The following FLT1 variants were observed in gnomAD, a reference collection of about 807,000 sequenced individuals.
FLT1 encodes fms related receptor tyrosine kinase 1.
A neutral mutation model predicts 156.3 loss-of-function variants in FLT1; 49 were observed. That is an observed-to-expected ratio of 0.31 (90% CI 0.25 to 0.40). The LOEUF (loss-of-function observed/expected upper bound fraction) is 0.40. Among genes scored for constraint, FLT1 ranks in the 10% least tolerant of loss-of-function variants. FLT1 has a pLI of 1.00. For synonymous variants in FLT1, 594 were observed against 583.8 expected (o/e 1.02, Z -0.25); for missense variants, 1,322 against 1,637.2 (o/e 0.81, Z 3.32).
intron 15 of FLT1, among the ~76,000 whole-genome samples, chr13:28,347,405 C>T (rs1040012887): frequency 2.0e-5 from 3 of 152,032 alleles, no homozygotes; most frequent in East Asian, 1.9e-4. Context: ...GGGGGGCACC[C>T]AGCTCCTCGG....
At chr13:28,416,394 G>A (rs984584868) in intron 10 of FLT1, among the ~76,000 whole-genome samples, 1 of 152,206 alleles carries the variant, frequency 6.6e-6, no homozygotes, top group Non-Finnish European at 1.5e-5. Context: ...TCATTTTAAT[G>A]TCTAAGTAGT....
At chr13:28,363,846 G>A (rs1378543584) in intron 14 of FLT1, among the ~76,000 whole-genome samples, 2 of 152,144 alleles carry the variant, frequency 1.3e-5, no homozygotes, top group African/African-American at 2.4e-5. Context: ...GACCTCAAGC[G>A]ATCTGCTGGC....
At chr13:28,319,346 C>T (rs943044558) in intron 24 of FLT1, 77 bp downstream of exon 24, 5 of 980,810 alleles carry the variant, frequency 5.1e-6, no homozygotes, top group Middle Eastern at 2.7e-4. Context: ...TAAAGGCTGT[C>T]TAACCAAAGG....
At chr13:28,343,381 A>C (rs1366661660) in intron 16 of FLT1, among the ~76,000 whole-genome samples, 2 of 148,716 alleles carry the variant, frequency 1.3e-5, no homozygotes, top group Non-Finnish European at 1.5e-5. Context: ...GCTCACTGCA[A>C]CCTCCGCCCC....
At chr13:28,371,908 T>C (rs575949601) in intron 14 of FLT1, among the ~76,000 whole-genome samples, 11 of 151,738 alleles carry the variant, frequency 7.2e-5, no homozygotes, top group African/African-American at 2.4e-4. Context: ...ATTTGTTGCC[T>C]GTATTTTCCC....
chr13:28,300,802 C>G lies in FLT1; in HGVS notation c.*2365G>C. 1 of 233,244 alleles carries G rather than the reference C, an allele frequency of 4.3e-6. No individual in the cohort carries two copies. The highest frequency in any genetic ancestry group is 6.0e-5 in the East Asian group (1 of 16,598). The allele number at this position is 233,244 out of a possible 1,614,324, so 14.4% of individuals were successfully genotyped here. A position where few individuals can be genotyped will look rare whatever the true frequency, so the allele number is the denominator to read the frequency against. On this transcript the variant is annotated 3_prime_UTR_variant, in exon 30 of 30. Coordinates refer to ENST00000282397, the MANE Select transcript of FLT1 (RefSeq NM_002019.4). The stretch of plus-strand genomic sequence containing the variant: ...GAAACTCTGAAAGGAAGTGCTCGTT[C>G]TTTGTTAGTGCCAACCATTTTTGTC...
rs145266667 is a variant in FLT1, at chr13:28,430,061, C to T, written c.1095G>A (p.Pro365=). Reference sequence around the variant, plus strand: ...AAGGATGGTCCTACCATACAACTTCCGGCGAGGGAAATGCCTTCACTTTCA... The same window carrying T: ...AAGGATGGTCCTACCATACAACTTCTGGCGAGGGAAATGCCTTCACTTTCA... The part of the protein sequence containing the change: ...LSMKVKAFPS[P]EVVWLKDGLP... Residue 365 remains proline, a synonymous_variant, in exon 8 of 30, where the codon CCG becomes CCA. Transcript: ENST00000282397. 7,333 of 1,608,898 alleles carry T rather than the reference C, an allele frequency of 4.6e-3. 119 individuals carry two copies. The highest frequency in any genetic ancestry group is 3.0e-3 in the Non-Finnish European group (3,581 of 1,175,274).
chr13:28,356,723 C>T (rs1215519068), intron 15 of FLT1, among the ~76,000 whole-genome samples: 2 of 152,174 alleles, frequency 1.3e-5, no homozygotes, highest in Non-Finnish European at 2.9e-5. Context: ...ATTCTGAAGT[C>T]GACTGGTTAG....
At chr13:28,378,316 G>A (rs560754195) in intron 14 of FLT1, among the ~76,000 whole-genome samples, 1 of 152,226 alleles carries the variant, frequency 6.6e-6, no homozygotes, top group Admixed American at 6.5e-5. Flanking sequence ...CAAAGTGCTG[G>A]GATTACAGGC....
chr13:28,461,539 A>G (rs1879578474), intron 3 of FLT1, among the ~76,000 whole-genome samples: 1 of 152,176 alleles, frequency 6.6e-6, no homozygotes, highest in Non-Finnish European at 1.5e-5. Flanking sequence ...GAAGTTCAGT[A>G]CAAATGAGTT....
At chr13:28,406,183 G>A (rs1875792962) in intron 10 of FLT1, among the ~76,000 whole-genome samples, 1 of 152,110 alleles carries the variant, frequency 6.6e-6, no homozygotes, top group Non-Finnish European at 1.5e-5. Flanking sequence ...TTAGTATCTA[G>A]ATTTTAGTTT....
rs1414779182 is a variant in FLT1 at position 28,425,814 on chromosome 13, C to T, written c.1436+1345G>A. Reference sequence around the variant, plus strand: ...GGTCGATAAATATTGATGCATACCCCAAATTTGCAAAATAGTATAGAATTT... The same window carrying T: ...GGTCGATAAATATTGATGCATACCCTAAATTTGCAAAATAGTATAGAATTT... On this transcript the variant is annotated intron_variant, in intron 10 of 29. Transcript: ENST00000282397. Among the ~76,000 whole-genome samples the T allele has an allele frequency of 3.3e-5, 5 of 152,076 alleles. No individual in the cohort carries two copies. The East Asian group carries it at 9.6e-4, about 29-fold the overall frequency.
At chr13:28,329,570 G>T in intron 19 of FLT1, 45 bp downstream of exon 19, 1 of 1,351,070 alleles carries the variant, frequency 7.4e-7, no homozygotes, top group Non-Finnish European at 1.1e-6. Flanking sequence ...TGTTCTCCCA[G>T]CCTGTGCAGG....
Position 28,430,111 on chromosome 13 carries a change from C to T in FLT1, c.1045G>A (p.Gly349Ser). 2 of 1,614,030 alleles carry T rather than the reference C, an allele frequency of 1.2e-6. No individual in the cohort carries two copies. Among genetic ancestry groups the T allele is most frequent in the Middle Eastern group, 1.7e-4 (1 of 6,060 alleles). ...RKQQVLETVA[G>S]KRSYRLSMKV... is the part of the protein sequence containing the mutation. ...ATAGAGAGCCGGTAAGACCGCTTGC[C>T]AGCTACGGTTTCAAGCACCTGCTGT... is the stretch of plus-strand genomic sequence containing the variant. Residue 349 changes from glycine (G) to serine (S), a missense_variant, in exon 8 of 30, where the codon GGC becomes AGC. Gly to Ser is a moderately conservative substitution (Grantham distance 56). Around this residue, in one of 3 missense-constraint regions of FLT1, gnomAD observed 991 missense variants for 1,254.8 expected, o/e 0.79. Transcript: ENST00000282397.
chr13:28,402,731 G>C (rs1322493519), intron 11 of FLT1, among the ~76,000 whole-genome samples: 3 of 152,146 alleles, frequency 2.0e-5, no homozygotes, highest in Non-Finnish European at 2.9e-5. Context: ...AGTAGTACTT[G>C]TATAGGGCTT....
chr13:28,494,535 A>G (rs1374878494), intron 1 of FLT1, among the ~76,000 whole-genome samples: 1 of 152,072 alleles, frequency 6.6e-6, no homozygotes, highest in Admixed American at 6.5e-5. Context: ...CCCAGCGCGG[A>G]CCCGGTCTGA....
At position 28,301,421 on chromosome 13, in the gene FLT1, G is replaced by T. The variant is rs1870512043; in HGVS notation, c.*1746C>A. 4.3e-6 allele frequency: 1 copy of T among 233,044 alleles called. No individual in the cohort carries two copies. Among genetic ancestry groups the T allele is most frequent in the Non-Finnish European group, 8.5e-6 (1 of 117,970 alleles). The allele number at this position is 233,044 out of a possible 1,614,324, so 14.4% of individuals were successfully genotyped here. A position where few individuals can be genotyped will look rare whatever the true frequency, so the allele number is the denominator to read the frequency against. On this transcript the variant is annotated 3_prime_UTR_variant, in exon 30 of 30. Coordinates refer to ENST00000282397, the MANE Select transcript of FLT1 (RefSeq NM_002019.4). ...TCTTCCACAAAAGCCGCTGCCAGGAGCCAGTAGGCTCACTAGGGAATGTGC... is the reference window on the plus strand; with the variant it reads ...TCTTCCACAAAAGCCGCTGCCAGGATCCAGTAGGCTCACTAGGGAATGTGC...
rs796383072 is a variant in FLT1 at position 28,343,393 on chromosome 13, G to A, written c.2355+2052C>T. ...TCGGCTCACTGCAACCTCCGCCCCC[G>A]GGTCCAAACCATTCTCCTGCCTCAG... is the stretch of plus-strand genomic sequence containing the variant. On this transcript the variant is annotated intron_variant, in intron 16 of 29. Coordinates refer to ENST00000282397, the MANE Select transcript of FLT1 (RefSeq NM_002019.4). Among the ~76,000 whole-genome samples the A allele has an allele frequency of 2.3e-4, 35 of 150,892 alleles. No individual in the cohort carries two copies. In the East Asian group the frequency reaches 4.7e-3, roughly 20 times the overall value.
At chr13:28,492,886 G>A (rs1467496806) in intron 1 of FLT1, among the ~76,000 whole-genome samples, 1 of 152,080 alleles carries the variant, frequency 6.6e-6, no homozygotes, top group Non-Finnish European at 1.5e-5. Context: ...TCTGTTAACT[G>A]TTAGGTAAAG....
Sources: gnomAD v4.1 joint callset for allele counts (sites outside exome capture counted in the v4.1 genomes callset) on GRCh38, gnomAD v4.1.1 for gene constraint, gnomAD v4.1.1 regional missense constraint, MANE v1.5 for transcripts, NCBI Gene and HGNC (gene_info 2026-07-23, HGNC 2026-07-21) for gene names.